ZBTB46: variants seen among roughly 807,000 people sequenced by gnomAD.
The protein encoded by ZBTB46 is zinc finger and BTB domain containing 46.
A neutral mutation model predicts 44.1 loss-of-function variants in ZBTB46; 8 were observed. That is an observed-to-expected ratio of 0.18 (90% confidence interval 0.11 to 0.33). ZBTB46 has a LOEUF of 0.33. Ranked by LOEUF, ZBTB46 falls within the 10% of genes least tolerant of loss-of-function variation. The pLI is 1.00. For synonymous variants in ZBTB46, 409 were observed against 382.3 expected (o/e 1.07, Z -0.81); for missense variants, 651 against 847.7 (o/e 0.77, Z 2.88).
chr20:63,823,036 G>A (rs1012887934), intron 1 of ZBTB46, among the ~76,000 whole-genome samples: 5 of 109,378 alleles, frequency 4.6e-5, no homozygotes, highest in African/African-American at 1.2e-4. Context: ...ATGGTGGCGC[G>A]CACCTGTGAT....
At chr20:63,816,798 T>C (rs537194409) in intron 1 of ZBTB46, among the ~76,000 whole-genome samples, 8 of 152,216 alleles carry the variant, frequency 5.3e-5, no homozygotes, top group African/African-American at 1.7e-4. Flanking sequence ...AGGACCAGCT[T>C]CCTTAAAAGA....
chr20:63,744,104 T>C lies in ZBTB46; in HGVS notation c.*2826A>G, dbSNP rs2092063834. ...TAAAAGGGCTGCATACAAAACACAA[T>C]ATAAGATCTAAAAAAAACCACCACC... On this transcript the variant is annotated 3_prime_UTR_variant, in exon 5 of 5. Coordinates refer to ENST00000245663, the MANE Select transcript of ZBTB46 (RefSeq NM_001369741.1). 1 of 152,152 alleles carries C rather than the reference T, an allele frequency of 6.6e-6. No homozygotes were observed. Among genetic ancestry groups the C allele is most frequent in the Non-Finnish European group, 1.5e-5 (1 of 68,014 alleles). 9.4% of individuals were successfully genotyped at this position (152,152 alleles called of 1,614,324 possible).
chr20:63,829,967 T>A (rs1455674069), intron 1 of ZBTB46, among the ~76,000 whole-genome samples: 1 of 152,238 alleles, frequency 6.6e-6, no homozygotes, highest in Non-Finnish European at 1.5e-5. Context: ...TAAACACGTT[T>A]CTAATTAGCA....
chr20:63,800,596 G>C lies in ZBTB46; in HGVS notation c.-33-9806C>G, dbSNP rs192227618. Among the ~76,000 whole-genome samples, 486 of 152,352 alleles carry C rather than the reference G, an allele frequency of 3.2e-3. 2 individuals carry two copies. Among genetic ancestry groups the C allele is most frequent in the African/African-American group, 0.011 (443 of 41,572 alleles). On this transcript the variant is annotated intron_variant, in intron 1 of 4. Transcript: ENST00000245663. ...GTGGGCGGGAACCGGGGCTGCGTGC[G>C]GCGCTTGCGGGCCAGCTAGAGTTCC...
chr20:63,812,419 G>A (rs1189075561), intron 1 of ZBTB46, among the ~76,000 whole-genome samples: 2 of 151,640 alleles, frequency 1.3e-5, no homozygotes, highest in African/African-American at 2.4e-5. Context: ...GGAGGCGGGC[G>A]AATCACGAGG....
chr20:63,749,254 G>A (rs113535639), intron 4 of ZBTB46, among the ~76,000 whole-genome samples: 3,374 of 152,332 alleles, frequency 0.022, 53 homozygotes, highest in Non-Finnish European at 0.034. Flanking sequence ...CACCTCAGAT[G>A]CCCAAACACG....
upstream of ZBTB46, among the ~76,000 whole-genome samples, chr20:63,831,460 G>T (rs1322635168): frequency 2.1e-5 from 3 of 144,438 alleles, no homozygotes; most frequent in African/African-American, 7.5e-5. Flanking sequence ...GGCTCCCGGC[G>T]CCGCGCCGCG....
chr20:63,751,616 G>GC (rs1324038255), intron 4 of ZBTB46, among the ~76,000 whole-genome samples: 2 of 151,470 alleles, frequency 1.3e-5, no homozygotes, highest in East Asian at 2.0e-4. Context: ...GCTCGGTTCC[G>GC]CCCCCCAGTG....
chr20:63,786,325 T>C (rs1243062560), intron 2 of ZBTB46, among the ~76,000 whole-genome samples: 1 of 152,226 alleles, frequency 6.6e-6, no homozygotes, highest in African/African-American at 2.4e-5. Context: ...CAACTGCTAA[T>C]GTCTGGAGAC....
chr20:63,825,550 G>A (rs776290695), intron 1 of ZBTB46, among the ~76,000 whole-genome samples: 3 of 151,664 alleles, frequency 2.0e-5, no homozygotes, highest in Non-Finnish European at 4.4e-5. Context: ...TTCTATCCCT[G>A]CACTTGCTGT....
Position 63,787,710 on chromosome 20 carries a change from C to G in ZBTB46, c.937+2111G>C, listed in dbSNP as rs2092527190. 1.3e-5 allele frequency: 2 copies of G among 152,266 alleles called. No homozygotes were observed. Among genetic ancestry groups the G allele is most frequent in the Non-Finnish European group, 2.9e-5 (2 of 68,048 alleles). The allele number at this position is 152,266 out of a possible 1,614,324, so 9.4% of individuals were successfully genotyped here. The stretch of plus-strand genomic sequence containing the variant: ...GTTTCTTGGAACCTATCCCTGTCAT[C>G]AAGCAACGCGTGACTTTAATGCCAG... On this transcript the variant is annotated intron_variant, in intron 2 of 4. Coordinates refer to ENST00000245663, the MANE Select transcript of ZBTB46 (RefSeq NM_001369741.1). The surrounding 1 kb of genome is among the most constrained non-coding windows in gnomAD (Gnocchi z 4.6).
chr20:63,787,263 A>ATAGCCATCGCCATCC lies in ZBTB46; in HGVS notation c.937+2543_937+2557dup, dbSNP rs562239646. On this transcript the variant is annotated intron_variant, in intron 2 of 4. Coordinates refer to ENST00000245663, the MANE Select transcript of ZBTB46 (RefSeq NM_001369741.1). The surrounding 1 kb of genome is among the most constrained non-coding windows in gnomAD (Gnocchi z 4.6). Reference sequence around the variant, plus strand: ...CCTGTCACCTGGTGGCGTGACAGGAATAGCCATCGCCATCCTAGCCATCGC... The same window carrying ATAGCCATCGCCATCC: ...CCTGTCACCTGGTGGCGTGACAGGAATAGCCATCGCCATCCTAGCCATCGCCATCCTAGCCATCGC... Among the ~76,000 whole-genome samples, 226 of 152,232 alleles carry ATAGCCATCGCCATCC rather than the reference A, an allele frequency of 1.5e-3. 2 individuals are homozygous for ATAGCCATCGCCATCC. The highest frequency in any genetic ancestry group is 5.3e-3 in the African/African-American group (221 of 41,534).
At chr20:63,774,772 C>G (rs1419781514) in intron 3 of ZBTB46, among the ~76,000 whole-genome samples, 1 of 149,200 alleles carries the variant, frequency 6.7e-6, no homozygotes, top group African/African-American at 2.5e-5. Context: ...GGCGCGATCT[C>G]GGCTCACTGC....
At chr20:63,785,531 G>A (rs2092507823) in intron 2 of ZBTB46, among the ~76,000 whole-genome samples, 1 of 152,200 alleles carries the variant, frequency 6.6e-6, no homozygotes, top group Admixed American at 6.5e-5. Context: ...CCGCACTCCA[G>A]CCTGGGTGAC....
At chr20:63,751,978 A>C (rs2092171973) in intron 4 of ZBTB46, among the ~76,000 whole-genome samples, 1 of 151,324 alleles carries the variant, frequency 6.6e-6, no homozygotes, top group South Asian at 2.1e-4. Context: ...CAGCAGCCCC[A>C]CCTCTGCCCG....
chr20:63,793,983 G>A (rs1175075939), intron 1 of ZBTB46, among the ~76,000 whole-genome samples: 1 of 152,038 alleles, frequency 6.6e-6, no homozygotes, highest in Admixed American at 6.6e-5. Context: ...TCAGGAGATC[G>A]AGACCATCCT....
intron 1 of ZBTB46, among the ~76,000 whole-genome samples, chr20:63,804,752 C>A (rs2092670714): frequency 6.6e-6 from 1 of 151,742 alleles, no homozygotes; most frequent in East Asian, 2.0e-4. Flanking sequence ...ATTAGCCAGG[C>A]GTGGTGGGGG....
intron 2 of ZBTB46, among the ~76,000 whole-genome samples, chr20:63,776,522 C>A (rs1412242267): frequency 6.6e-6 from 1 of 152,132 alleles, no homozygotes; most frequent in South Asian, 2.1e-4. Context: ...AAGAAAGTGA[C>A]GCCGGGTGCG....
At chr20:63,783,965 CA>C (rs1271563593) in intron 2 of ZBTB46, among the ~76,000 whole-genome samples, 1 of 152,176 alleles carries the variant, frequency 6.6e-6, no homozygotes, top group East Asian at 1.9e-4. Context: ...CGTCGGGCAC[CA>C]GGAGGGCCGA....
Sources: allele counts gnomAD v4.1 joint callset (sites outside exome capture counted in the v4.1 genomes callset), GRCh38; gene constraint gnomAD v4.1.1; non-coding constraint Gnocchi (gnomAD v3.1); transcripts MANE v1.5; gene names NCBI Gene and HGNC (gene_info 2026-07-23, HGNC 2026-07-21).